FSIP2: variants seen among roughly 807,000 people sequenced by gnomAD.
The protein encoded by FSIP2 is fibrous sheath interacting protein 2.
A neutral mutation model predicts 510.5 loss-of-function variants in FSIP2; 367 were observed. The observed-to-expected ratio is 0.72, with a 90% CI of 0.66 to 0.78. The LOEUF is 0.78. FSIP2 is among the 30% of genes least tolerant of loss of function. The pLI, the probability that FSIP2 is intolerant of heterozygous loss-of-function variation, is 0.00. For synonymous variants in FSIP2, 2,601 were observed against 2,732.2 expected, an observed-to-expected ratio of 0.95 and a Z score of 1.50; for missense variants, 7,594 against 7,901.7, an observed-to-expected ratio of 0.96 and a Z score of 1.48.
Position 185,792,079 on chromosome 2 carries a change from G to C in FSIP2, c.4943G>C (p.Ser1648Thr), listed in dbSNP as rs746300573. Residue 1648 changes from serine (S) to threonine (T), a missense_variant, in exon 16 of 23, where the codon AGT becomes ACT. Transcript: ENST00000424728. ...TATATGCATGCAAAGAAGGTATCAA[G>C]TGCTATTTTGAAGGTTATTCAAACA... ...ALYMHAKKVS[S>T]AILKVIQTEL... 1 of 1,533,814 alleles carries C rather than the reference G, an allele frequency of 6.5e-7. No individual in the cohort carries two copies. The highest frequency in any genetic ancestry group is 8.7e-7 in the Non-Finnish European group (1 of 1,145,262).
In FSIP2 at chr2:185,801,714, C is replaced by T. The variant is rs1471627943; in HGVS notation, c.12408C>T (p.Thr4136=). Residue 4136 remains threonine, a synonymous_variant, in exon 17 of 23, where the codon ACC becomes ACT. Coordinates refer to ENST00000424728, the MANE Select transcript of FSIP2 (RefSeq NM_173651.4). ...CCAGGTCTTCATCAGACTATAGTAC[C>T]ATGTTATCACATTCATTTTTAGAAG... ...SLPRSSSDYS[T]MLSHSFLEDV... is the part of the protein sequence containing the mutation. The T allele has an allele frequency of 6.5e-7, 1 of 1,530,324 alleles. No individual in the cohort carries two copies. Among genetic ancestry groups the T allele is most frequent in the Non-Finnish European group, 8.7e-7 (1 of 1,144,122 alleles). The allele number at this position is 1,530,324 out of a possible 1,614,324, so 94.8% of individuals were successfully genotyped here. A position where few individuals can be genotyped will look rare whatever the true frequency, so the allele number is the denominator to read the frequency against.
chr2:185,763,375 T>G, intron 12 of FSIP2, 86 bp downstream of exon 12: 1 of 693,810 alleles, frequency 1.4e-6, no homozygotes. Flanking sequence ...ATGTCATGAT[T>G]TATGTAACCA....
At chr2:185,816,727 G>A (rs1693832141) in intron 19 of FSIP2, among the ~76,000 whole-genome samples, 1 of 151,696 alleles carries the variant, frequency 6.6e-6, no homozygotes, top group African/African-American at 2.4e-5. Context: ...GAATGGTCAT[G>A]TGCACCTAGT....
In FSIP2 at chr2:185,805,542, A is replaced by G. The variant is rs756974519; in HGVS notation, c.16236A>G (p.Pro5412=). The change falls in exon 17 of 23, where the codon CCA becomes CCG. Residue 5412 remains proline (P), a synonymous_variant. Coordinates refer to ENST00000424728, the MANE Select transcript of FSIP2 (RefSeq NM_173651.4). ...CCACCTTCTTTTCATTTCTAAATCCAGATAATATCACCCAAAGGGTTCAAC... is the reference window on the plus strand; with the variant it reads ...CCACCTTCTTTTCATTTCTAAATCCGGATAATATCACCCAAAGGGTTCAAC... ...WSSTFFSFLN[P]DNITQRVQHL... 13 of 1,611,528 alleles carry G rather than the reference A, an allele frequency of 8.1e-6. No homozygotes were observed. The highest frequency in any genetic ancestry group is 2.7e-5 in the African/African-American group (2 of 74,778).
At chr2:185,798,269 C>G (rs933259631) in intron 16 of FSIP2, among the ~76,000 whole-genome samples, 1 of 151,746 alleles carries the variant, frequency 6.6e-6, no homozygotes, top group African/African-American at 2.4e-5. Flanking sequence ...TATTATTATT[C>G]AAAGTTTAAA....
chr2:185,797,315 T>C lies in FSIP2; in HGVS notation c.10179T>C (p.Pro3393=), dbSNP rs929144512. ...RMQDKKINYI[P]EEENENLEAS... is the part of the protein sequence containing the mutation. The stretch of plus-strand genomic sequence containing the variant: ...AGGATAAAAAAATCAACTATATACC[T>C]GAGGAAGAAAATGAAAACCTTGAAG... Residue 3393 remains proline (P), a synonymous_variant, in exon 16 of 23, where the codon CCT becomes CCC. Transcript: ENST00000424728. 8 of 1,525,232 alleles carry C rather than the reference T, an allele frequency of 5.2e-6. No individual in the cohort carries two copies. Among genetic ancestry groups the C allele is most frequent in the African/African-American group, 1.4e-5 (1 of 71,852 alleles). 94.5% of individuals were successfully genotyped at this position (1,525,232 alleles called of 1,614,324 possible).
chr2:185,811,117 G>A (rs1693718454), intron 17 of FSIP2, among the ~76,000 whole-genome samples: 1 of 151,866 alleles, frequency 6.6e-6, no homozygotes, highest in African/African-American at 2.4e-5. Context: ...AGATGCAGGA[G>A]GAAAGAAATG....
Position 185,795,406 on chromosome 2 carries a change from TA to T in FSIP2, c.8273del (p.Lys2758SerfsTer12), listed in dbSNP as rs1693243526. On this transcript the variant is annotated frameshift_variant, in exon 16 of 23. Coordinates refer to ENST00000424728, the MANE Select transcript of FSIP2 (RefSeq NM_173651.4). LOFTEE classifies it high-confidence loss of function. ...LETIVKEFGK[V>X]KQTKALPSDQ... is the part of the protein sequence containing the mutation. ...ACAATTGTGAAGGAATTTGGAAAGGTAAAGCAAACCAAAGCTTTACCATCTG... is the reference window on the plus strand; with the variant it reads ...ACAATTGTGAAGGAATTTGGAAAGGTAAGCAAACCAAAGCTTTACCATCTG... 8 of 1,534,856 alleles carry T rather than the reference TA, an allele frequency of 5.2e-6. No individual in the cohort carries two copies. The East Asian group carries it at 2.0e-4, about 38-fold the overall frequency.
chr2:185,830,652 GAAC>G (rs1356175121), intron 21 of FSIP2, among the ~76,000 whole-genome samples: 5 of 151,712 alleles, frequency 3.3e-5, no homozygotes, highest in Non-Finnish European at 7.4e-5. Context: ...ATAATGACAA[GAAC>G]AATAAGTCTA....
chr2:185,805,105 A>G lies in FSIP2; in HGVS notation c.15799A>G (p.Thr5267Ala). The stretch of plus-strand genomic sequence containing the variant: ...ACTTGCTAAATCTGGTAAAGAAAAG[A>G]CACAGCCTTCTCTCTATTCAGCTAC... ...SELAKSGKEK[T>A]QPSLYSATFL... Residue 5267 changes from threonine (T) to alanine (A), a missense_variant, in exon 17 of 23, where the codon ACA (threonine) becomes GCA (alanine). By Grantham distance (58) the Thr-to-Ala change is moderately conservative. Transcript: ENST00000424728. The G allele has an allele frequency of 6.2e-7, 1 of 1,607,342 alleles. No homozygotes were observed.
At chr2:185,785,706 A>G (rs1175721814) in intron 14 of FSIP2, among the ~76,000 whole-genome samples, 1 of 152,066 alleles carries the variant, frequency 6.6e-6, no homozygotes, top group Non-Finnish European at 1.5e-5. Context: ...AAAGGAATGC[A>G]TCTAAATTGG....
chr2:185,783,175 C>G (rs901611751), intron 14 of FSIP2, among the ~76,000 whole-genome samples: 1 of 151,964 alleles, frequency 6.6e-6, no homozygotes, highest in African/African-American at 2.4e-5. Context: ...TCGGTTATTC[C>G]CCCACCCCAA....
chr2:185,807,065 CTGTT>C lies in FSIP2; in HGVS notation c.17763_17766del (p.Cys5922IlefsTer3), dbSNP rs769433386. On this transcript the variant is annotated frameshift_variant, in exon 17 of 23. Coordinates refer to ENST00000424728, the MANE Select transcript of FSIP2 (RefSeq NM_173651.4). LOFTEE classifies it high-confidence loss of function. ...TTGGTCAATAAAGTTGTTCACTCCTCTGTTTGTAATATTTTAAATGACTATGGAT... is the reference window on the plus strand; with the variant it reads ...TTGGTCAATAAAGTTGTTCACTCCTCTGTAATATTTTAAATGACTATGGAT... The C allele has an allele frequency of 1.4e-5, 22 of 1,591,248 alleles. No homozygotes were observed. Among genetic ancestry groups the C allele is most frequent in the Non-Finnish European group, 1.8e-5 (21 of 1,172,190 alleles).
At position 185,800,901 on chromosome 2, in the gene FSIP2, T is replaced by A; in HGVS notation, c.11595T>A (p.Ser3865Arg). Reference sequence around the variant, plus strand: ...ACAGCATACAACAAGCTCCGGAAAGTCTACCTTTTGCAAATAAGCATTTGA... The same window carrying A: ...ACAGCATACAACAAGCTCCGGAAAGACTACCTTTTGCAAATAAGCATTTGA... ...LSHSIQQAPE[S>R]LPFANKHLNY... is the part of the protein sequence containing the mutation. Residue 3865 changes from serine (S) to arginine (R), a missense_variant, in exon 17 of 23, where the codon AGT becomes AGA. Ser to Arg is a moderately radical substitution (Grantham distance 110). Coordinates refer to ENST00000424728, the MANE Select transcript of FSIP2 (RefSeq NM_173651.4). The A allele has an allele frequency of 6.5e-7, 1 of 1,533,352 alleles. No individual in the cohort carries two copies. The highest frequency in any genetic ancestry group is 8.7e-7 in the Non-Finnish European group (1 of 1,145,356). 95.0% of individuals were successfully genotyped at this position (1,533,352 alleles called of 1,614,324 possible). A position where few individuals can be genotyped will look rare whatever the true frequency, so the allele number is the denominator to read the frequency against.
chr2:185,787,217 A>G (rs572704848), intron 15 of FSIP2, among the ~76,000 whole-genome samples: 1 of 119,406 alleles, frequency 8.4e-6, no homozygotes, highest in East Asian at 2.3e-4. Context: ...TATTTAAGAC[A>G]TGTATTTTAC....
Position 185,800,098 on chromosome 2 carries a change from G to A in FSIP2, c.10792G>A (p.Gly3598Ser), listed in dbSNP as rs143780618. 9,755 of 1,533,682 alleles carry A rather than the reference G, an allele frequency of 6.4e-3. 312 individuals carry two copies. The Admixed American group carries it at 0.089, about 14-fold the overall frequency. The change falls in exon 17 of 23, where the codon GGT (glycine) becomes AGT (serine). Residue 3598 changes from glycine to serine, a missense_variant. Gly to Ser is a moderately conservative substitution (Grantham distance 56). Coordinates refer to ENST00000424728, the MANE Select transcript of FSIP2 (RefSeq NM_173651.4). The stretch of plus-strand genomic sequence containing the variant: ...CACTTACTGTCCAGGAATAGTTTCT[G>A]GTGGCTTTGATGACCTCTTTCAGGA... ...KYTYCPGIVSGGFDDLFQDLL... is the reference protein window; with the variant it reads ...KYTYCPGIVSSGFDDLFQDLL...
intron 7 of FSIP2, among the ~76,000 whole-genome samples, chr2:185,751,537 A>G (rs1030832811): frequency 6.7e-6 from 1 of 148,894 alleles, no homozygotes; most frequent in African/African-American, 2.5e-5. Context: ...TTTCATATCA[A>G]ATCTGACAAC....
chr2:185,800,188 A>G lies in FSIP2; in HGVS notation c.10882A>G (p.Asn3628Asp). The G allele has an allele frequency of 8.5e-6, 13 of 1,532,586 alleles. No homozygotes were observed. The highest frequency in any genetic ancestry group is 1.1e-5 in the Non-Finnish European group (13 of 1,145,014). 94.9% of individuals were successfully genotyped at this position (1,532,586 alleles called of 1,614,324 possible). The change falls in exon 17 of 23, where the codon AAT becomes GAT. Residue 3628 changes from asparagine (N) to aspartate (D), a missense_variant. Physicochemically the swap from Asn to Asp is conservative, Grantham distance 23. Coordinates refer to ENST00000424728, the MANE Select transcript of FSIP2 (RefSeq NM_173651.4). ...EIEVDYHFESNVRNKSFSMHR... is the reference protein window; with the variant it reads ...EIEVDYHFESDVRNKSFSMHR... ...AGAAGTAGATTATCACTTTGAAAGC[A>G]ATGTAAGAAACAAATCATTTTCTAT...
chr2:185,792,278 T>C lies in FSIP2; in HGVS notation c.5142T>C (p.Tyr1714=), dbSNP rs766945065. The C allele has an allele frequency of 2.2e-5, 33 of 1,532,860 alleles. No homozygotes were observed. Among genetic ancestry groups the C allele is most frequent in the East Asian group, 9.8e-5 (4 of 40,838 alleles). The allele number at this position is 1,532,860 out of a possible 1,614,324, so 95.0% of individuals were successfully genotyped here. ...AAACTTATCGATACAGGCCAACATA[T>C]GGAAGTCTTCCTGGAGGAGCTGAAT... ...GIETYRYRPT[Y]GSLPGGAESD... The change falls in exon 16 of 23, where the codon TAT becomes TAC. Residue 1714 remains tyrosine (Y), a synonymous_variant. Transcript: ENST00000424728.
Sources: allele counts gnomAD v4.1 joint callset (sites outside exome capture counted in the v4.1 genomes callset), GRCh38; gene constraint gnomAD v4.1.1; transcripts MANE v1.5; gene names NCBI Gene and HGNC (gene_info 2026-07-23, HGNC 2026-07-21).